RYR3: variants seen among roughly 807,000 people sequenced by gnomAD.
RYR3 encodes the protein brain ryanodine receptor-calcium release channel.
Under a neutral mutation model 584.3 loss-of-function variants are expected in RYR3, and 207 were observed. That is an observed-to-expected ratio of 0.35 (90% CI 0.32 to 0.40). The LOEUF is 0.40. Among genes scored for constraint, RYR3 ranks in the 10% least tolerant of loss-of-function variants. The pLI, the probability that RYR3 is intolerant of heterozygous loss-of-function variation, is 1.00. For missense variants in RYR3, 5,616 were observed against 6,089.2 expected, an observed-to-expected ratio of 0.92 and a Z score of 2.59; for synonymous variants, 2,416 against 2,248.5, an observed-to-expected ratio of 1.07 and a Z score of -2.11.
At chr15:33,594,101 A>G (rs1437101493) in intron 16 of RYR3, among the ~76,000 whole-genome samples, 1 of 152,198 alleles carries the variant, frequency 6.6e-6, no homozygotes, top group Non-Finnish European at 1.5e-5. Flanking sequence ...CACGTGTCAG[A>G]AAGTGACATT....
intron 1 of RYR3, among the ~76,000 whole-genome samples, chr15:33,360,990 C>T (rs1225460646): frequency 2.6e-5 from 4 of 152,168 alleles, no homozygotes; most frequent in African/African-American, 4.8e-5. Flanking sequence ...CTCTCAGCAC[C>T]GAGCAGTAAT....
At chr15:33,356,237 C>T (rs1284008718) in intron 1 of RYR3, among the ~76,000 whole-genome samples, 1 of 152,084 alleles carries the variant, frequency 6.6e-6, no homozygotes, top group Non-Finnish European at 1.5e-5. Context: ...CTCAACTAAA[C>T]CTAAGATCCC....
intron 50 of RYR3, among the ~76,000 whole-genome samples, chr15:33,739,469 T>C (rs1171055495): frequency 6.6e-6 from 1 of 151,838 alleles, no homozygotes; most frequent in Non-Finnish European, 1.5e-5. Context: ...CAGTTATAAG[T>C]TGGGTCCGTT....
At chr15:33,489,970 A>G (rs1199545363) in intron 2 of RYR3, among the ~76,000 whole-genome samples, 1 of 152,228 alleles carries the variant, frequency 6.6e-6, no homozygotes. Flanking sequence ...TAATGACCTG[A>G]CCAAACTCTA....
intron 64 of RYR3, among the ~76,000 whole-genome samples, chr15:33,777,228 A>G (rs1164648179): frequency 1.3e-5 from 2 of 152,198 alleles, no homozygotes; most frequent in East Asian, 1.9e-4. Context: ...AAACCCTTCC[A>G]ATATATCCTC....
chr15:33,826,808 T>A (rs1257682159), intron 84 of RYR3, 56 bp downstream of exon 84: 2 of 1,272,812 alleles, frequency 1.6e-6, no homozygotes, highest in Non-Finnish European at 2.2e-6. Context: ...AAAACTAGAA[T>A]TCCGTTCAGT....
chr15:33,734,018 A>G (rs1429410990), intron 48 of RYR3, among the ~76,000 whole-genome samples: 1 of 152,198 alleles, frequency 6.6e-6, no homozygotes, highest in African/African-American at 2.4e-5. Flanking sequence ...AGCTGTATCT[A>G]CTGTCTTTGT....
At chr15:33,361,278 A>G (rs1272661709) in intron 1 of RYR3, among the ~76,000 whole-genome samples, 1 of 152,236 alleles carries the variant, frequency 6.6e-6, no homozygotes, top group Non-Finnish European at 1.5e-5. Context: ...TGAACACATG[A>G]TGCAGAATTA....
At chr15:33,719,984 T>G (rs1304666664) in intron 43 of RYR3, among the ~76,000 whole-genome samples, 1 of 152,222 alleles carries the variant, frequency 6.6e-6, no homozygotes, top group African/African-American at 2.4e-5. Flanking sequence ...TAATAAAAAC[T>G]GATTGTTTTT....
chr15:33,500,097 A>C (rs117085669), intron 2 of RYR3, among the ~76,000 whole-genome samples: 2 of 152,220 alleles, frequency 1.3e-5, no homozygotes, highest in Non-Finnish European at 2.9e-5. Flanking sequence ...TTACTATTCT[A>C]TGTACTTGGG....
chr15:33,694,795 C>T (rs561145434), intron 38 of RYR3, among the ~76,000 whole-genome samples: 1 of 152,326 alleles, frequency 6.6e-6, no homozygotes, highest in African/African-American at 2.4e-5. Flanking sequence ...AACTGTGCTT[C>T]TCTCTGACTT....
In RYR3 at chr15:33,706,523, G is replaced by A. The variant is rs147638424; in HGVS notation, c.6484-396G>A. Among the ~76,000 whole-genome samples the A allele has an allele frequency of 1.1e-4, 17 of 152,254 alleles. No homozygotes were observed. The East Asian group carries it at 3.1e-3, about 28-fold the overall frequency. Reference sequence around the variant, plus strand: ...TTGTGACTGGCTTATTTCACTTAGCGAATGTCCTCAATGTTCTTCACGTTG... The same window carrying A: ...TTGTGACTGGCTTATTTCACTTAGCAAATGTCCTCAATGTTCTTCACGTTG... On this transcript the variant is annotated intron_variant, in intron 42 of 103. Coordinates refer to ENST00000634891, the MANE Select transcript of RYR3 (RefSeq NM_001036.6).
chr15:33,317,589 G>A lies in RYR3; in HGVS notation c.51+6493G>A, dbSNP rs1055012500. On this transcript the variant is annotated intron_variant, in intron 1 of 103. Transcript: ENST00000634891. ...AATTCAGAGAGAGGGAAGAAAAAGT[G>A]CTGGCACCTCAGCCCTGATCCTGCT... Among the ~76,000 whole-genome samples, 5 of 152,198 alleles carry A rather than the reference G, an allele frequency of 3.3e-5. No homozygotes were observed. In the East Asian group the frequency reaches 9.6e-4, roughly 29 times the overall value.
In RYR3 at chr15:33,569,008, TGAA is replaced by T. The variant is rs1366419625; in HGVS notation, c.1268+2212_1268+2214del. Among the ~76,000 whole-genome samples, 12 of 152,354 alleles carry T rather than the reference TGAA, an allele frequency of 7.9e-5. No homozygotes were observed. The East Asian group carries it at 2.3e-3, about 29-fold the overall frequency. ...ATTTGTTTCCTCACCTTTTTATTGGTGAAGAGTATTCTTGTGTGTGTGTGTGCG... is the reference window on the plus strand; with the variant it reads ...ATTTGTTTCCTCACCTTTTTATTGGTGAGTATTCTTGTGTGTGTGTGTGCG... On this transcript the variant is annotated intron_variant, in intron 12 of 103. Coordinates refer to ENST00000634891, the MANE Select transcript of RYR3 (RefSeq NM_001036.6).
rs1236348614 is a variant in RYR3, at chr15:33,477,800, G to A, written c.171+4262G>A. Among the ~76,000 whole-genome samples, 10 of 132,920 alleles carry A rather than the reference G, an allele frequency of 7.5e-5. 1 individual carries two copies. The highest frequency in any genetic ancestry group is 4.0e-4 in the East Asian group (2 of 5,034). 87.2% of individuals were successfully genotyped at this position (132,920 alleles called of 152,430 possible). ...TGAGGCGGGAGAATGGCATGAACCCGGGAGGCGGAGGTTGCAGTGAGCGGA... is the reference window on the plus strand; with the variant it reads ...TGAGGCGGGAGAATGGCATGAACCCAGGAGGCGGAGGTTGCAGTGAGCGGA... On this transcript the variant is annotated intron_variant, in intron 2 of 103. Coordinates refer to ENST00000634891, the MANE Select transcript of RYR3 (RefSeq NM_001036.6).
At chr15:33,794,389 A>G (rs2075457590) in intron 67 of RYR3, among the ~76,000 whole-genome samples, 1 of 148,008 alleles carries the variant, frequency 6.8e-6, no homozygotes, top group African/African-American at 2.5e-5. Flanking sequence ...TTACCTATCT[A>G]TGGGAAATTG....
Position 33,696,269 on chromosome 15 carries a change from A to G in RYR3, c.5912A>G (p.Asp1971Gly). The change falls in exon 39 of 104, where the codon GAC becomes GGC. Residue 1971 changes from aspartate to glycine, a missense_variant. Physicochemically the swap from Asp to Gly is moderately conservative, Grantham distance 94. This residue lies in a region of RYR3 where 1,280 missense variants were observed against 1,426.2 expected (regional missense o/e 0.90). Coordinates refer to ENST00000634891, the MANE Select transcript of RYR3 (RefSeq NM_001036.6). ...SQTMICWAQEDQIQDSELVRM... is the reference protein window; with the variant it reads ...SQTMICWAQEGQIQDSELVRM... ...ACGATGATCTGCTGGGCCCAGGAGG[A>G]CCAGATCCAGGATTCAGAGCTGGTC... The G allele has an allele frequency of 3.7e-6, 6 of 1,613,722 alleles. No homozygotes were observed. Among genetic ancestry groups the G allele is most frequent in the Non-Finnish European group, 5.1e-6 (6 of 1,179,850 alleles).
At chr15:33,859,264 AATT>A (rs1375122574) in intron 99 of RYR3, among the ~76,000 whole-genome samples, 2 of 152,170 alleles carry the variant, frequency 1.3e-5, no homozygotes, top group African/African-American at 2.4e-5. Flanking sequence ...AATGAGGAAA[AATT>A]ATTATATGGC....
intron 38 of RYR3, among the ~76,000 whole-genome samples, chr15:33,680,827 G>T (rs1250199164): frequency 6.6e-6 from 1 of 152,218 alleles, no homozygotes; most frequent in East Asian, 1.9e-4. Flanking sequence ...TATTCATTAT[G>T]CATGATGGTT....
Sources: gnomAD v4.1 joint callset for allele counts (sites outside exome capture counted in the v4.1 genomes callset) on GRCh38, gnomAD v4.1.1 for gene constraint, gnomAD v4.1.1 regional missense constraint, MANE v1.5 for transcripts, NCBI Gene and HGNC (gene_info 2026-07-23, HGNC 2026-07-21) for gene names.